Variants in NEK11 observed in about 807,000 individuals in gnomAD.
The protein encoded by NEK11 is NIMA related kinase 11.
Under a neutral mutation model 80.7 loss-of-function variants are expected in NEK11, and 72 were observed. The observed-to-expected ratio is 0.89, with a 90% CI of 0.74 to 1.08. The LOEUF (loss-of-function observed/expected upper bound fraction) is 1.08. Ranked by LOEUF, NEK11 falls within the 50% of genes least tolerant of loss-of-function variation. The pLI is 0.00. For synonymous variants in NEK11, 251 were observed against 260.7 expected (o/e 0.96, Z 0.36); for missense variants, 764 against 763.6 (o/e 1.00, Z -0.01).
chr3:131,040,711 C>T (rs1469733859), intron 3 of NEK11, among the ~76,000 whole-genome samples: 2 of 152,114 alleles, frequency 1.3e-5, no homozygotes, highest in African/African-American at 2.4e-5. Context: ...CTTTATTGGG[C>T]AAGTGAAGAA....
intron 14 of NEK11, among the ~76,000 whole-genome samples, chr3:131,215,278 C>A (rs6794775): frequency 2.5e-5 from 2 of 81,462 alleles, no homozygotes; most frequent in Non-Finnish European, 5.3e-5. Flanking sequence ...TGTTGTGGGG[C>A]GGGGGGAGGG....
intron 17 of NEK11, among the ~76,000 whole-genome samples, chr3:131,299,684 A>G (rs2109142899): frequency 6.6e-6 from 1 of 152,272 alleles, no homozygotes; most frequent in Admixed American, 6.5e-5. Context: ...AGCTCCATCC[A>G]TGTTACTGCA....
At chr3:131,331,524 G>A (rs1347027490) in intron 17 of NEK11, among the ~76,000 whole-genome samples, 7 of 152,206 alleles carry the variant, frequency 4.6e-5, no homozygotes, top group Non-Finnish European at 7.3e-5. Flanking sequence ...ACCTCCCAGC[G>A]TGAGCGACGC....
chr3:131,267,610 T>C (rs1330160563), intron 16 of NEK11, among the ~76,000 whole-genome samples: 1 of 152,006 alleles, frequency 6.6e-6, no homozygotes. Flanking sequence ...TTCTCTCTCT[T>C]CTGGCTTGTA....
rs558537219 is a variant in NEK11, at chr3:131,042,212, T to G, written c.170+12334T>G. Among the ~76,000 whole-genome samples, 496 of 49,888 alleles carry G rather than the reference T, an allele frequency of 9.9e-3. 1 individual carries two copies. The highest frequency in any genetic ancestry group is 0.016 in the African/African-American group (456 of 28,012). 32.7% of individuals were successfully genotyped at this position (49,888 alleles called of 152,430 possible). ...GCTAGCTGCAGGTTTTTGTTTTTTG[T>G]TTTTTTTTTCCCTGTATCCCAGTGG... On this transcript the variant is annotated intron_variant, in intron 3 of 17. Transcript: ENST00000383366.
intron 14 of NEK11, among the ~76,000 whole-genome samples, chr3:131,200,594 G>A (rs2094190918): frequency 6.6e-6 from 1 of 152,182 alleles, no homozygotes; most frequent in Non-Finnish European, 1.5e-5. Flanking sequence ...CTTGAAACTT[G>A]TCTTTGTTTT....
chr3:131,169,667 A>C (rs1038180865), intron 13 of NEK11, among the ~76,000 whole-genome samples: 1 of 152,342 alleles, frequency 6.6e-6, no homozygotes, highest in Middle Eastern at 3.4e-3. Context: ...TGAAAAGTAC[A>C]TAGCAGATCA....
chr3:131,259,564 C>T (rs927457375), intron 16 of NEK11, among the ~76,000 whole-genome samples: 1 of 152,064 alleles, frequency 6.6e-6, no homozygotes, highest in African/African-American at 2.4e-5. Context: ...TTGGGATTGA[C>T]CCTGTGGACA....
At chr3:131,343,710 G>A (rs1007044969) in intron 17 of NEK11, among the ~76,000 whole-genome samples, 15 of 152,196 alleles carry the variant, frequency 9.9e-5, no homozygotes, top group Non-Finnish European at 1.3e-4. Flanking sequence ...CAGAGCTTAT[G>A]GCTTGCACCC....
chr3:131,239,798 G>A (rs967804866), intron 15 of NEK11, among the ~76,000 whole-genome samples: 4 of 151,962 alleles, frequency 2.6e-5, no homozygotes, highest in South Asian at 4.2e-4. Context: ...CTAAGTTCTT[G>A]TGGCAGCTAG....
chr3:131,123,472 AT>A (rs2082739216), intron 5 of NEK11, among the ~76,000 whole-genome samples: 1 of 152,146 alleles, frequency 6.6e-6, no homozygotes, highest in South Asian at 2.1e-4. Flanking sequence ...GCCAATTATA[AT>A]TTTTCAATAG....
chr3:131,159,004 A>G (rs2091157490), intron 10 of NEK11, among the ~76,000 whole-genome samples: 2 of 152,352 alleles, frequency 1.3e-5, no homozygotes, highest in African/African-American at 2.4e-5. Context: ...GTTAGAGCAC[A>G]CAGCCCAGGA....
At chr3:131,109,270 G>C (rs942811605) in intron 4 of NEK11, 1 of 152,100 alleles carries the variant, frequency 6.6e-6, no homozygotes, top group African/African-American at 2.4e-5. Flanking sequence ...TATTCAGGGA[G>C]AATAAGGGAG....
intron 15 of NEK11, among the ~76,000 whole-genome samples, chr3:131,231,001 T>C (rs1424941377): frequency 6.6e-6 from 1 of 152,116 alleles, no homozygotes; most frequent in Non-Finnish European, 1.5e-5. Flanking sequence ...AGACATGGCT[T>C]TCACCTTCCA....
At chr3:131,322,333 T>TA (rs2096905957) in intron 17 of NEK11, among the ~76,000 whole-genome samples, 1 of 152,024 alleles carries the variant, frequency 6.6e-6, no homozygotes, top group Admixed American at 6.6e-5. Flanking sequence ...AACTGTTGAG[T>TA]ACTATGCTTG....
chr3:131,066,010 G>C (rs1185931584), intron 3 of NEK11, among the ~76,000 whole-genome samples: 2 of 152,158 alleles, frequency 1.3e-5, no homozygotes, highest in Non-Finnish European at 2.9e-5. Context: ...GACCAGCTAT[G>C]AATCCACAAG....
chr3:131,134,790 T>A (rs1363947286), intron 7 of NEK11, among the ~76,000 whole-genome samples: 1 of 152,158 alleles, frequency 6.6e-6, no homozygotes, highest in Non-Finnish European at 1.5e-5. Context: ...TTAAAGGAAT[T>A]TCTCCTTCCT....
At chr3:131,314,130 A>AGTGTGTGTGTGTGTGTGTGTGTGT (rs143988468) in intron 17 of NEK11, among the ~76,000 whole-genome samples, 5 of 149,224 alleles carry the variant, frequency 3.4e-5, no homozygotes, top group African/African-American at 1.2e-4. Flanking sequence ...GGAGAAAAAG[A>AGTGTGTGTGTGTGTGTGTGTGTGT]GTGTGTGTGT....
At chr3:131,175,862 C>T (rs933960639) in intron 14 of NEK11, among the ~76,000 whole-genome samples, 4 of 152,020 alleles carry the variant, frequency 2.6e-5, no homozygotes, top group Admixed American at 1.3e-4. Context: ...TGGCCAAGAA[C>T]GATGTGAGTG....
Sources: gnomAD v4.1 joint callset for allele counts (sites outside exome capture counted in the v4.1 genomes callset) on GRCh38, gnomAD v4.1.1 for gene constraint, MANE v1.5 for transcripts, NCBI Gene and HGNC (gene_info 2026-07-23, HGNC 2026-07-21) for gene names.